Variants in PKHD1 observed in about 807,000 individuals in gnomAD.
The protein encoded by PKHD1 is fibrocystin.
A neutral mutation model predicts 412.0 loss-of-function variants in PKHD1; 291 were observed. The ratio of observed to expected loss-of-function variants is 0.71; its 90% CI spans 0.64 to 0.78. PKHD1 has a LOEUF of 0.78. Ranked by LOEUF, PKHD1 falls within the 30% of genes least tolerant of loss-of-function variation. The probability of loss-of-function intolerance (pLI) is 0.00; values close to 1 mark genes in which losing one functional copy is unlikely to be tolerated. For synonymous variants in PKHD1, 1,777 were observed against 1,821.5 expected (o/e 0.98, Z 0.62); for missense variants, 4,825 against 4,950.7 (o/e 0.97, Z 0.76).
intron 46 of PKHD1, among the ~76,000 whole-genome samples, chr6:51,870,930 A>C (rs1775895835): frequency 6.6e-6 from 1 of 152,204 alleles, no homozygotes; most frequent in Non-Finnish European, 1.5e-5. Context: ...AGAAAAAAAA[A>C]ATGTTCAACA....
intron 60 of PKHD1, among the ~76,000 whole-genome samples, chr6:51,671,534 T>A (rs1040717694): frequency 2.0e-5 from 3 of 152,252 alleles, no homozygotes; most frequent in African/African-American, 7.2e-5. Flanking sequence ...GTCTGAAGCC[T>A]TCTTCTCTCA....
At chr6:51,700,665 C>T (rs1348633852) in intron 60 of PKHD1, among the ~76,000 whole-genome samples, 1 of 151,978 alleles carries the variant, frequency 6.6e-6, no homozygotes, top group African/African-American at 2.4e-5. Flanking sequence ...ACTTGTGATT[C>T]GCCAAGGAAG....
At chr6:51,895,037 T>C (rs1779682641) in intron 43 of PKHD1, among the ~76,000 whole-genome samples, 1 of 152,224 alleles carries the variant, frequency 6.6e-6, no homozygotes, top group Admixed American at 6.5e-5. Flanking sequence ...CACAAATACA[T>C]GCACATACAT....
At chr6:51,897,388 C>G (rs1378426067) in intron 43 of PKHD1, among the ~76,000 whole-genome samples, 1 of 152,202 alleles carries the variant, frequency 6.6e-6, no homozygotes, top group East Asian at 1.9e-4. Flanking sequence ...AATTTTCAAC[C>G]CAGAATTTCA....
intron 24 of PKHD1, 96 bp from the exon 25 acceptor site, chr6:52,045,184 A>C (rs1805593323): frequency 8.6e-7 from 1 of 1,165,468 alleles, no homozygotes; most frequent in Non-Finnish European, 1.3e-6. Context: ...TGTGTTTCAG[A>C]TAATCAGACA....
At position 51,793,439 on chromosome 6, in the gene PKHD1, C is replaced by T. The variant is rs1440737146; in HGVS notation, c.8303-2066G>A. ...GGTAAACTTGTGCCACGGTGGCCTG[C>T]TGCACAGATCATCCCATCACTAAGG... On this transcript the variant is annotated intron_variant, in intron 52 of 66. Coordinates refer to ENST00000371117, the MANE Select transcript of PKHD1 (RefSeq NM_138694.4). Among the ~76,000 whole-genome samples, 5 of 152,154 alleles carry T rather than the reference C, an allele frequency of 3.3e-5. No homozygotes were observed. The East Asian group carries it at 9.6e-4, about 29-fold the overall frequency.
At chr6:51,768,312 A>G (rs575573863) in intron 55 of PKHD1, among the ~76,000 whole-genome samples, 7 of 152,038 alleles carry the variant, frequency 4.6e-5, no homozygotes, top group Non-Finnish European at 1.0e-4. Context: ...TAGACCTGTG[A>G]TTCAAGTTGT....
rs779966371 is a variant in PKHD1 at position 52,028,320 on chromosome 6, C to A, written c.3396G>T (p.Arg1132Ser). 1 of 1,613,974 alleles carries A rather than the reference C, an allele frequency of 6.2e-7. No individual in the cohort carries two copies. The highest frequency in any genetic ancestry group is 1.7e-5 in the Admixed American group (1 of 60,024). Reference protein sequence around the residue: ...GGETLVIGVARLMNYTDLDVE... With the variant: ...GGETLVIGVASLMNYTDLDVE... ...CATCCAAATCCGTATAGTTCATCAGCCTCGCCACTCCAATGACCAGGGTCT... is the reference window on the plus strand; with the variant it reads ...CATCCAAATCCGTATAGTTCATCAGACTCGCCACTCCAATGACCAGGGTCT... Residue 1132 changes from arginine to serine, a missense_variant, in exon 30 of 67, where the codon AGG (arginine) becomes AGT (serine). Physicochemically the swap from Arg to Ser is moderately radical, Grantham distance 110 (BLOSUM62 -1). Coordinates refer to ENST00000371117, the MANE Select transcript of PKHD1 (RefSeq NM_138694.4).
intron 13 of PKHD1, among the ~76,000 whole-genome samples, chr6:52,063,828 C>A (rs1809078724): frequency 6.6e-6 from 1 of 152,212 alleles, no homozygotes; most frequent in Non-Finnish European, 1.5e-5. Context: ...AGTAATTCGC[C>A]CAGCTTCTGT....
intron 6 of PKHD1, among the ~76,000 whole-genome samples, chr6:52,074,092 C>T (rs746789985): frequency 7.2e-5 from 11 of 152,172 alleles, no homozygotes; most frequent in Non-Finnish European, 1.3e-4. Context: ...TATACTTAAA[C>T]CATCACAGAC....
chr6:51,746,410 A>C (rs1174316393), intron 59 of PKHD1, among the ~76,000 whole-genome samples: 1 of 152,190 alleles, frequency 6.6e-6, no homozygotes, highest in Non-Finnish European at 1.5e-5. Context: ...ATAAAACAAT[A>C]TCAATAAAAC....
chr6:51,712,206 C>G (rs1053391064), intron 60 of PKHD1, among the ~76,000 whole-genome samples: 1 of 152,082 alleles, frequency 6.6e-6, no homozygotes, highest in South Asian at 2.1e-4. Context: ...TATAAATAGG[C>G]CCCAAATTTC....
intron 53 of PKHD1, among the ~76,000 whole-genome samples, chr6:51,781,721 A>C (rs185930392): frequency 4.6e-4 from 70 of 152,226 alleles, no homozygotes; most frequent in Admixed American, 3.5e-3. Context: ...TAGTTAAAAA[A>C]ACAGTAATAG....
At chr6:52,065,867 C>T in intron 12 of PKHD1, 109 bp downstream of exon 12, 1 of 721,652 alleles carries the variant, frequency 1.4e-6, no homozygotes. Flanking sequence ...CATGATGAGT[C>T]AGAAGGGGCA....
intron 43 of PKHD1, among the ~76,000 whole-genome samples, chr6:51,902,100 C>A (rs1216363541): frequency 6.6e-6 from 1 of 152,184 alleles, no homozygotes; most frequent in Non-Finnish European, 1.5e-5. Flanking sequence ...CAGCTTCACA[C>A]AGCAGGGTGA....
intron 28 of PKHD1, among the ~76,000 whole-genome samples, 162 bp downstream of exon 28, chr6:52,035,429 C>T (rs1324320155): frequency 6.6e-6 from 1 of 152,112 alleles, no homozygotes; most frequent in African/African-American, 2.4e-5. Flanking sequence ...GGGTCAGTTT[C>T]CCACTTCATA....
At position 52,040,400 on chromosome 6, in the gene PKHD1, G is replaced by A. The variant is rs181812742; in HGVS notation, c.3097+2459C>T. ...GGATGTCTGTCATATCCTCCTAACCGGTCTTGCTGGTTCCATCTTTGCCTC... is the reference window on the plus strand; with the variant it reads ...GGATGTCTGTCATATCCTCCTAACCAGTCTTGCTGGTTCCATCTTTGCCTC... On this transcript the variant is annotated intron_variant, in intron 27 of 66. Transcript: ENST00000371117. Among the ~76,000 whole-genome samples the A allele has an allele frequency of 1.1e-4, 17 of 152,092 alleles. No homozygotes were observed. The East Asian group carries it at 2.9e-3, about 26-fold the overall frequency.
intron 60 of PKHD1, chr6:51,721,255 C>T: frequency 1.1e-6 from 1 of 947,616 alleles, no homozygotes; most frequent in Non-Finnish European, 1.3e-6. Flanking sequence ...TTTACCACAC[C>T]AATATTCTTG....
Position 51,670,823 on chromosome 6 carries a change from A to G in PKHD1, c.10157-10854T>C, listed in dbSNP as rs1774814177. On this transcript the variant is annotated intron_variant, in intron 60 of 66. Coordinates refer to ENST00000371117, the MANE Select transcript of PKHD1 (RefSeq NM_138694.4). ...CACTGATGAAGCTTAGTTTGGCTGG[A>G]TATGAAATTCTGGGTTGAAAATTCT... Among the ~76,000 whole-genome samples the G allele has an allele frequency of 4.6e-5, 7 of 150,720 alleles. No homozygotes were observed. In the South Asian group the frequency reaches 1.1e-3, roughly 23 times the overall value.
Sources: allele counts gnomAD v4.1 joint callset (sites outside exome capture counted in the v4.1 genomes callset), GRCh38; gene constraint gnomAD v4.1.1; transcripts MANE v1.5; gene names NCBI Gene and HGNC (gene_info 2026-07-23, HGNC 2026-07-21).